The following TUBGCP6 variants were observed in gnomAD, a reference collection of about 807,000 sequenced individuals.
TUBGCP6 encodes the protein gamma-tubulin complex component 6.
A neutral mutation model predicts 175.8 loss-of-function variants in TUBGCP6; 161 were observed. The ratio of observed to expected loss-of-function variants is 0.92; its 90% CI spans 0.81 to 1.04. The LOEUF (loss-of-function observed/expected upper bound fraction) is 1.04, where lower values mean the gene tolerates loss of function less well. Among genes scored for constraint, TUBGCP6 ranks in the 50% least tolerant of loss-of-function variants. The probability of loss-of-function intolerance (pLI) is 0.00; values close to 1 mark genes in which losing one functional copy is unlikely to be tolerated. For synonymous variants in TUBGCP6, 1,173 were observed against 1,030.5 expected (o/e 1.14, Z -2.65); for missense variants, 2,572 against 2,433.0 (o/e 1.06, Z -1.20).
chr22:50,218,570 G>C lies in TUBGCP6; in HGVS notation c.4872C>G (p.Tyr1624Ter), dbSNP rs766219055. ...IVITEGCVSK[Y>*]SGVFSFLLQL... ...GCAGCAGGAAGGAGAAGACGCCGCT[G>C]TACTTGCTCACGCAGCCCTCGGTGA... The change falls in exon 22 of 25, where the codon TAC becomes TAG. Residue 1624 changes from tyrosine (Y) to a stop codon, truncating the protein, a stop_gained. Coordinates refer to ENST00000248846, the MANE Select transcript of TUBGCP6 (RefSeq NM_020461.4). LOFTEE classifies it high-confidence loss of function. 4 of 1,613,690 alleles carry C rather than the reference G, an allele frequency of 2.5e-6. No homozygotes were observed. Among genetic ancestry groups the C allele is most frequent in the Non-Finnish European group, 3.4e-6 (4 of 1,179,984 alleles).
rs371715787 is a variant in TUBGCP6 at position 50,218,563 on chromosome 22, C to T, written c.4879G>A (p.Val1627Ile). 27 of 1,613,684 alleles carry T rather than the reference C, an allele frequency of 1.7e-5. No individual in the cohort carries two copies. Among genetic ancestry groups the T allele is most frequent in the African/African-American group, 1.1e-4 (8 of 74,908 alleles). The change falls in exon 22 of 25, where the codon GTC becomes ATC. Residue 1627 changes from valine (V) to isoleucine (I), a missense_variant. By Grantham distance (29) the Val-to-Ile change is conservative. Transcript: ENST00000248846. ...TEGCVSKYSG[V>I]FSFLLQLKLM... is the part of the protein sequence containing the mutation. ...TTCAGCTGCAGCAGGAAGGAGAAGA[C>T]GCCGCTGTACTTGCTCACGCAGCCC...
In TUBGCP6 at chr22:50,218,013, G is replaced by A. The variant is rs776807941; in HGVS notation, c.5273C>T (p.Pro1758Leu). The change falls in exon 24 of 25, where the codon CCC (proline) becomes CTC (leucine). Residue 1758 changes from proline (P) to leucine (L), a missense_variant. By Grantham distance (98) the Pro-to-Leu change is moderately conservative (BLOSUM62 -3). Coordinates refer to ENST00000248846, the MANE Select transcript of TUBGCP6 (RefSeq NM_020461.4). ...CTCTGCACCCCGCGGGCCCCCAGGGGGCCCCCAGGCCTGGGAGATGAGCTG... is the reference window on the plus strand; with the variant it reads ...CTCTGCACCCCGCGGGCCCCCAGGGAGCCCCCAGGCCTGGGAGATGAGCTG... The part of the protein sequence containing the change: ...RSQLISQAWG[P>L]PGGPRGAEHP... The A allele has an allele frequency of 1.9e-6, 3 of 1,612,524 alleles. No homozygotes were observed. The highest frequency in any genetic ancestry group is 2.7e-5 in the African/African-American group (2 of 74,854).
intron 1 of TUBGCP6, among the ~76,000 whole-genome samples, chr22:50,241,013 A>G (rs544434475): frequency 6.6e-6 from 1 of 152,372 alleles, no homozygotes; most frequent in South Asian, 2.1e-4. Flanking sequence ...TGCCGAGGCA[A>G]GAGACCGAGG....
In TUBGCP6 at chr22:50,221,194, G is replaced by A. The variant is rs147329335; in HGVS notation, c.3165C>T (p.His1055=). The A allele has an allele frequency of 2.0e-4, 328 of 1,607,654 alleles. No individual in the cohort carries two copies. Among genetic ancestry groups the A allele is most frequent in the Non-Finnish European group, 2.4e-4 (281 of 1,174,946 alleles). The change falls in exon 16 of 25, where the codon CAC becomes CAT. Residue 1055 remains histidine, a synonymous_variant. Coordinates refer to ENST00000248846, the MANE Select transcript of TUBGCP6 (RefSeq NM_020461.4). ...PTRPRWNTHG[H]VSDASIRVGE... ...CGACCCTGATGCTGGCGTCAGACAC[G>A]TGCCCGTGGGTGTTCCACCGTGGCC...
At chr22:50,217,860 C>T (rs777852464) in intron 24 of TUBGCP6, 33 bp from the exon 25 acceptor site, 2 of 1,611,734 alleles carry the variant, frequency 1.2e-6, no homozygotes, top group Non-Finnish European at 1.7e-6. Flanking sequence ...GGCTTTTGCC[C>T]ACAGTGTGAG....
chr22:50,238,739 G>A (rs546481315), intron 2 of TUBGCP6, among the ~76,000 whole-genome samples: 6 of 151,866 alleles, frequency 4.0e-5, no homozygotes, highest in African/African-American at 1.5e-4. Flanking sequence ...GGGTTTCACT[G>A]TGTTAGCCAG....
chr22:50,242,063 C>A (rs1367377198), intron 1 of TUBGCP6, among the ~76,000 whole-genome samples: 1 of 149,388 alleles, frequency 6.7e-6, no homozygotes, highest in Non-Finnish European at 1.5e-5. Context: ...GAGGCCGAGG[C>A]GGGCAGATCA....
intron 10 of TUBGCP6, among the ~76,000 whole-genome samples, chr22:50,224,873 G>C (rs1043392783): frequency 6.6e-6 from 1 of 152,052 alleles, no homozygotes; most frequent in East Asian, 1.9e-4. Context: ...AGCCATGTTC[G>C]AGCCGCTGCA....
At chr22:50,231,951 C>T (rs922782833) in intron 3 of TUBGCP6, among the ~76,000 whole-genome samples, 17 of 150,870 alleles carry the variant, frequency 1.1e-4, no homozygotes, top group East Asian at 3.9e-4. Context: ...CCGGGCGTGG[C>T]GGCTCACACT....
chr22:50,229,640 G>A (rs1015520287), intron 3 of TUBGCP6, 63 bp from the exon 4 acceptor site: 109 of 1,500,190 alleles, frequency 7.3e-5, no homozygotes, highest in South Asian at 2.1e-4. Context: ...GTAAGGTGCC[G>A]TCTCCCTCCA....
chr22:50,218,802 G>C lies in TUBGCP6; in HGVS notation c.4722C>G (p.Thr1574=). 6.2e-7 allele frequency: 1 copy of C among 1,614,126 alleles called. No individual in the cohort carries two copies. The highest frequency in any genetic ancestry group is 8.5e-7 in the Non-Finnish European group (1 of 1,180,006). ...CGAGGGAGAGGTTGGAGGCGTGCGGGGTGTCCCCATGCAGGCTGCACTGCA... is the reference window on the plus strand; with the variant it reads ...CGAGGGAGAGGTTGGAGGCGTGCGGCGTGTCCCCATGCAGGCTGCACTGCA... ...KALQCSLHGD[T]PHASNLSLAL... The change falls in exon 21 of 25, where the codon ACC becomes ACG. Residue 1574 remains threonine (T), a synonymous_variant. Coordinates refer to ENST00000248846, the MANE Select transcript of TUBGCP6 (RefSeq NM_020461.4).
At position 50,220,842 on chromosome 22, in the gene TUBGCP6, C is replaced by T; in HGVS notation, c.3517G>A (p.Glu1173Lys). The T allele has an allele frequency of 1.2e-6, 2 of 1,604,030 alleles. No individual in the cohort carries two copies. The highest frequency in any genetic ancestry group is 1.1e-5 in the South Asian group (1 of 90,078). ...GCGGGAGCCATGTCTGACACAGACT[C>T]CCCCAAGCTGATGCTGGCATCGGAC... ...HVSDASISLG[E>K]SVSDMAPARP... The change falls in exon 16 of 25, where the codon GAG (glutamate) becomes AAG (lysine). Residue 1173 changes from glutamate (E) to lysine (K), a missense_variant. Glu to Lys is a moderately conservative substitution (Grantham distance 56, BLOSUM62 1). Transcript: ENST00000248846.
At chr22:50,235,723 C>T (rs138738822) in intron 2 of TUBGCP6, among the ~76,000 whole-genome samples, 63 of 152,218 alleles carry the variant, frequency 4.1e-4, no homozygotes, top group African/African-American at 1.5e-3. Flanking sequence ...AGGCAGATCA[C>T]GAGGTCAGGA....
In TUBGCP6 at chr22:50,226,046, T is replaced by C; in HGVS notation, c.1833+4A>G. On this transcript the variant is annotated splice_donor_region_variant and intron_variant, in intron 9 of 24. Coordinates refer to ENST00000248846, the MANE Select transcript of TUBGCP6 (RefSeq NM_020461.4). ...CTCTTCCCCACACATGAGCCCCTCC[T>C]CACCCGGGGGCAGCAGAGCTTCAGC... is the stretch of plus-strand genomic sequence containing the variant. The C allele has an allele frequency of 6.2e-7, 1 of 1,614,074 alleles. No individual in the cohort carries two copies. The highest frequency in any genetic ancestry group is 8.5e-7 in the Non-Finnish European group (1 of 1,180,004).
At position 50,243,617 on chromosome 22, in the gene TUBGCP6, C is replaced by CCAAA. The variant is rs1555910658; in HGVS notation, c.741+101_741+102insTTTG. ...TGGGTGACAGAGTGAGACACTGTCT[C>CCAAA]AAAAAAAAAAAAAAAAAGAAGAAGA... is the stretch of plus-strand genomic sequence containing the variant. On this transcript the variant is annotated intron_variant, in intron 1 of 24. Coordinates refer to ENST00000248846, the MANE Select transcript of TUBGCP6 (RefSeq NM_020461.4). The CCAAA allele has an allele frequency of 5.3e-5, 29 of 550,610 alleles. No homozygotes were observed. The African/African-American group carries it at 1.1e-3, about 21-fold the overall frequency. The allele number at this position is 550,610 out of a possible 1,614,324, so 34.1% of individuals were successfully genotyped here. A position where few individuals can be genotyped will look rare whatever the true frequency, so the allele number is the denominator to read the frequency against.
chr22:50,228,188 G>A (rs781039325), intron 4 of TUBGCP6, among the ~76,000 whole-genome samples, 160 bp from the exon 5 acceptor site: 23 of 152,168 alleles, frequency 1.5e-4, no homozygotes, highest in Non-Finnish European at 2.8e-4. Context: ...CCCCGCCACC[G>A]GGCCAGGTGG....
intron 1 of TUBGCP6, among the ~76,000 whole-genome samples, chr22:50,240,639 G>A (rs533426813): frequency 6.3e-4 from 96 of 152,264 alleles, no homozygotes; most frequent in African/African-American, 2.1e-3. Context: ...CTCAGACCTG[G>A]AAATTCCAAT....
rs1439949491 is a variant in TUBGCP6 at position 50,227,914 on chromosome 22, G to T, written c.1405C>A (p.Gln469Lys). The T allele has an allele frequency of 7.0e-6, 11 of 1,575,368 alleles. No homozygotes were observed. Among genetic ancestry groups the T allele is most frequent in the African/African-American group, 1.3e-5 (1 of 74,272 alleles). ...CGCCATGCTGAGGCTCACCTGAGCT[G>T]CCGGCCAAGTTTCTTGAAGAGAAAA... The part of the protein sequence containing the change: ...IGFLFKKLGR[Q>K]LRYLAELCGV... The change falls in exon 5 of 25, where the codon CAG becomes AAG. Residue 469 changes from glutamine to lysine, a missense_variant. Transcript: ENST00000248846.
chr22:50,237,625 C>T (rs1194858542), intron 2 of TUBGCP6, among the ~76,000 whole-genome samples: 1 of 152,214 alleles, frequency 6.6e-6, no homozygotes, highest in African/African-American at 2.4e-5. Context: ...CAGCACACTG[C>T]CAGGCACACA....
Sources: allele counts gnomAD v4.1 joint callset (sites outside exome capture counted in the v4.1 genomes callset), GRCh38; gene constraint gnomAD v4.1.1; transcripts MANE v1.5; gene names NCBI Gene and HGNC (gene_info 2026-07-23, HGNC 2026-07-21).